MORC2: variants seen among roughly 807,000 people sequenced by gnomAD.
MORC2 encodes MORC family CW-type zinc finger 2, also known as ATPase MORC2.
A neutral mutation model predicts 136.0 loss-of-function variants in MORC2; 30 were observed. The ratio of observed to expected loss-of-function variants is 0.22; its 90% confidence interval spans 0.17 to 0.30. The LOEUF is 0.30. MORC2 is among the 10% of genes least tolerant of loss of function. The pLI is 1.00. For synonymous variants in MORC2, 439 were observed against 487.0 expected (o/e 0.90, Z 1.30); for missense variants, 922 against 1,333.1 (o/e 0.69, Z 4.80).
intron 3 of MORC2, 133 bp downstream of exon 3, chr22:30,956,630 A>T: frequency 1.4e-6 from 1 of 736,388 alleles, no homozygotes; most frequent in Non-Finnish European, 2.2e-6. Flanking sequence ...CCCCTTTTCT[A>T]CCTATGACCT....
rs5997816 is a variant in MORC2, at chr22:30,940,418, G to A, written c.904+340C>T. Among the ~76,000 whole-genome samples, 553 of 152,236 alleles carry A rather than the reference G, an allele frequency of 3.6e-3. 1 individual carries two copies. Among genetic ancestry groups the A allele is most frequent in the African/African-American group, 0.012 (497 of 41,530 alleles). On this transcript the variant is annotated intron_variant, in intron 10 of 25. Coordinates refer to ENST00000397641, the MANE Select transcript of MORC2 (RefSeq NM_001303256.3). Reference sequence around the variant, plus strand: ...GAAACCCTGAGAAACCCTGAACAGCGAGAGAGCCCCTGAGATGTTTGCCCT... The same window carrying A: ...GAAACCCTGAGAAACCCTGAACAGCAAGAGAGCCCCTGAGATGTTTGCCCT...
In MORC2 at chr22:30,941,570, A is replaced by G. The variant is rs1226947212; in HGVS notation, c.699-12T>C. On this transcript the variant is annotated splice_polypyrimidine_tract_variant and intron_variant, in intron 8 of 25. Coordinates refer to ENST00000397641, the MANE Select transcript of MORC2 (RefSeq NM_001303256.3). The surrounding 1 kb of genome is among the most constrained non-coding windows in gnomAD (Gnocchi z 4.6). ...GCCGCTCTGGCTTCCTGGAGAGGGC[A>G]AAAACAGAGAAGTGCTGTCACCTGC... 6.2e-7 allele frequency: 1 copy of G among 1,609,734 alleles called. No individual in the cohort carries two copies. Among genetic ancestry groups the G allele is most frequent in the East Asian group, 2.2e-5 (1 of 44,720 alleles).
In MORC2 at chr22:30,934,031, G is replaced by T; in HGVS notation, c.2325+29C>A. 1 of 1,613,218 alleles carries T rather than the reference G, an allele frequency of 6.2e-7. No individual in the cohort carries two copies. Among genetic ancestry groups the T allele is most frequent in the East Asian group, 2.2e-5 (1 of 44,874 alleles). The stretch of plus-strand genomic sequence containing the variant: ...GGGGCTGCAGGCCCTAGAGAGAGAG[G>T]CTTTGAGAACCTCACCTCAACCACT... On this transcript the variant is annotated intron_variant, in intron 20 of 25. Transcript: ENST00000397641. This position sits in a 1 kb window ranked among gnomAD's most constrained non-coding sequence, Gnocchi z 4.4.
At chr22:30,957,583 A>G (rs2040984722) in intron 2 of MORC2, among the ~76,000 whole-genome samples, 1 of 152,372 alleles carries the variant, frequency 6.6e-6, no homozygotes, top group Admixed American at 6.5e-5. Flanking sequence ...GTAGGAATAC[A>G]TACTCCTAAG....
intron 6 of MORC2, among the ~76,000 whole-genome samples, chr22:30,945,023 C>T (rs866649111): frequency 2.0e-5 from 3 of 152,202 alleles, no homozygotes; most frequent in Admixed American, 6.5e-5. Flanking sequence ...TAACCTGGCC[C>T]TCTCTGATCT....
At chr22:30,955,821 C>T (rs966481404) in intron 3 of MORC2, among the ~76,000 whole-genome samples, 3 of 151,610 alleles carry the variant, frequency 2.0e-5, no homozygotes, top group Non-Finnish European at 4.4e-5. Context: ...CCAGCCTGGC[C>T]GACGTGGTGA....
At chr22:30,956,862 T>A (rs2040974299) in intron 2 of MORC2, 65 bp from the exon 3 acceptor site, 1 of 1,273,266 alleles carries the variant, frequency 7.9e-7, no homozygotes, top group South Asian at 1.3e-5. Context: ...AAATGCATAG[T>A]GATTTGAGTA....
rs1419306374 is a variant in MORC2 at position 30,941,801 on chromosome 22, T to C, written c.698+90A>G. ...TACCCTACCACAGAACACTGGGCAA[T>C]GAATGTGCTCTCCCCTCTTTCCCTG... On this transcript the variant is annotated intron_variant, in intron 8 of 25. Transcript: ENST00000397641. The surrounding 1 kb of genome is among the most constrained non-coding windows in gnomAD (Gnocchi z 4.6). 1.6e-6 allele frequency: 2 copies of C among 1,265,540 alleles called. No homozygotes were observed. The highest frequency in any genetic ancestry group is 2.3e-6 in the Non-Finnish European group (2 of 879,048). 78.4% of individuals were successfully genotyped at this position (1,265,540 alleles called of 1,614,324 possible). A position where few individuals can be genotyped will look rare whatever the true frequency, so the allele number is the denominator to read the frequency against.
chr22:30,928,294 G>A (rs1405458383), intron 24 of MORC2, 87 bp from the exon 25 acceptor site: 24 of 1,341,508 alleles, frequency 1.8e-5, no homozygotes, highest in Middle Eastern at 1.9e-4. Context: ...TCTCCAGCCC[G>A]CTTTACCCAA....
chr22:30,945,832 C>T (rs765239380), intron 6 of MORC2, among the ~76,000 whole-genome samples: 1 of 152,216 alleles, frequency 6.6e-6, no homozygotes, highest in Admixed American at 6.5e-5. Context: ...TCTCCATACA[C>T]TCACCTGCTT....
intron 21 of MORC2, 135 bp from the exon 22 acceptor site, chr22:30,933,165 G>T: frequency 7.7e-7 from 1 of 1,296,882 alleles, no homozygotes; most frequent in Non-Finnish European, 1.1e-6. Flanking sequence ...CTACACCAGG[G>T]ACACAGAGAC....
At chr22:30,928,669 T>A (rs2040527631) in intron 24 of MORC2, among the ~76,000 whole-genome samples, 1 of 152,206 alleles carries the variant, frequency 6.6e-6, no homozygotes, top group Non-Finnish European at 1.5e-5. Context: ...TCCAGATCTG[T>A]GGAGTAGTAT....
intron 7 of MORC2, 26 bp from the exon 8 acceptor site, chr22:30,942,028 G>A: frequency 5.0e-6 from 8 of 1,610,354 alleles, no homozygotes; most frequent in Non-Finnish European, 6.8e-6. Flanking sequence ...CTTTTGTCCT[G>A]CCAGATCCCC....
chr22:30,965,233 T>C (rs777329737), intron 1 of MORC2, among the ~76,000 whole-genome samples: 1 of 152,206 alleles, frequency 6.6e-6, no homozygotes, highest in Non-Finnish European at 1.5e-5. Flanking sequence ...CGCAATACTG[T>C]AGATGTCAGA....
chr22:30,958,075 T>C (rs899726515), intron 2 of MORC2, among the ~76,000 whole-genome samples: 3 of 152,240 alleles, frequency 2.0e-5, no homozygotes, highest in African/African-American at 7.2e-5. Flanking sequence ...AACCCAAACT[T>C]CTATTCAGTC....
In MORC2 at chr22:30,968,584, A is replaced by C. The variant is rs2041165458; in HGVS notation, c.-695T>G. ...TAAACACCTCACAAATGACCCGCCCACAGCACCTCGGGCAGGCCGCGCCCC... is the reference window on the plus strand; with the variant it reads ...TAAACACCTCACAAATGACCCGCCCCCAGCACCTCGGGCAGGCCGCGCCCC... On this transcript the variant is annotated 5_prime_UTR_variant, in exon 1 of 26. Coordinates refer to ENST00000397641, the MANE Select transcript of MORC2 (RefSeq NM_001303256.3). Among the ~76,000 whole-genome samples, 1 of 152,076 alleles carries C rather than the reference A, an allele frequency of 6.6e-6. No homozygotes were observed. The highest frequency in any genetic ancestry group is 2.4e-5 in the African/African-American group (1 of 41,398).
At position 30,935,029 on chromosome 22, in the gene MORC2, T is replaced by C; in HGVS notation, c.1945A>G (p.Ser649Gly). 6.2e-7 allele frequency: 1 copy of C among 1,614,076 alleles called. No individual in the cohort carries two copies. The highest frequency in any genetic ancestry group is 8.5e-7 in the Non-Finnish European group (1 of 1,180,018). ...SQPRKAPVIS[S>G]TPKLPALAAR... ...GCCAAAGCAGGGAGCTTTGGGGTAC[T>C]GCTGATGACAGGAGCCTTTCGGGGC... The change falls in exon 19 of 26, where the codon AGT becomes GGT. Residue 649 changes from serine (S) to glycine (G), a missense_variant. Coordinates refer to ENST00000397641, the MANE Select transcript of MORC2 (RefSeq NM_001303256.3).
At chr22:30,951,634 G>A (rs942449679) in intron 3 of MORC2, among the ~76,000 whole-genome samples, 2 of 152,210 alleles carry the variant, frequency 1.3e-5, no homozygotes, top group East Asian at 3.9e-4. Flanking sequence ...CTGCTCTGCA[G>A]CCTGGTCCCT....
At chr22:30,931,919 C>T (rs1020510596) in intron 24 of MORC2, among the ~76,000 whole-genome samples, 13 of 152,232 alleles carry the variant, frequency 8.5e-5, no homozygotes, top group Admixed American at 6.5e-5. Context: ...TAAGTAAGAT[C>T]CAATGCTTAT....
Sources: gnomAD v4.1 joint callset for allele counts (sites outside exome capture counted in the v4.1 genomes callset) on GRCh38, gnomAD v4.1.1 for gene constraint, Gnocchi (gnomAD v3.1) non-coding constraint, MANE v1.5 for transcripts, NCBI Gene and HGNC (gene_info 2026-07-23, HGNC 2026-07-21) for gene names.